ASTN2: variants seen among roughly 807,000 people sequenced by gnomAD.
The protein encoded by ASTN2 is astrotactin 2, also known as astrotactin-2.
Under a neutral mutation model 139.8 loss-of-function variants are expected in ASTN2, and 54 were observed. That is an observed-to-expected ratio of 0.39 (90% CI 0.31 to 0.48). The LOEUF is 0.48. Ranked by LOEUF, ASTN2 falls within the 20% of genes least tolerant of loss-of-function variation. The pLI, the probability that ASTN2 is intolerant of heterozygous loss-of-function variation, is 0.95. For synonymous variants in ASTN2, 756 were observed against 719.5 expected, an observed-to-expected ratio of 1.05 and a Z score of -0.81; for missense variants, 1,565 against 1,725.1, an observed-to-expected ratio of 0.91 and a Z score of 1.64.
chr9:117,030,929 C>A (rs1369221068), intron 6 of ASTN2, among the ~76,000 whole-genome samples: 1 of 152,122 alleles, frequency 6.6e-6, no homozygotes, highest in Non-Finnish European at 1.5e-5. Context: ...TGAAGCCTAG[C>A]CTTGCCTTCT....
intron 11 of ASTN2, among the ~76,000 whole-genome samples, chr9:116,829,863 G>A (rs943527965): frequency 2.0e-4 from 31 of 152,020 alleles, no homozygotes; most frequent in African/African-American, 5.8e-4. Context: ...CATATTTCTC[G>A]CCACATATTT....
At chr9:117,162,446 C>G (rs532734236) in intron 3 of ASTN2, among the ~76,000 whole-genome samples, 3 of 151,970 alleles carry the variant, frequency 2.0e-5, no homozygotes, top group African/African-American at 7.2e-5. Flanking sequence ...TGTAGGCATT[C>G]GCTTATATGC....
intron 1 of ASTN2, among the ~76,000 whole-genome samples, chr9:117,391,378 G>A (rs10115384): frequency 0.75 from 114,784 of 152,144 alleles, 43,568 homozygotes; most frequent in East Asian, 0.83. Context: ...AGGCCTCACA[G>A]TTATGTCAGA....
chr9:117,288,419 C>T (rs1404525784), intron 2 of ASTN2, among the ~76,000 whole-genome samples: 1 of 152,142 alleles, frequency 6.6e-6, no homozygotes, highest in Non-Finnish European at 1.5e-5. Context: ...CTCCAGACTT[C>T]TTTGAGATTT....
chr9:116,502,257 C>G (rs145175037), intron 19 of ASTN2, among the ~76,000 whole-genome samples: 4 of 151,322 alleles, frequency 2.6e-5, no homozygotes, highest in African/African-American at 9.7e-5. Flanking sequence ...GAGAGAGACA[C>G]ACACAAAAAA....
chr9:116,592,422 T>G (rs1328366130), intron 19 of ASTN2, among the ~76,000 whole-genome samples: 7 of 151,864 alleles, frequency 4.6e-5, no homozygotes, highest in African/African-American at 2.4e-5. Context: ...GATAACTCAC[T>G]CAGTATCACA....
intron 19 of ASTN2, among the ~76,000 whole-genome samples, chr9:116,527,345 C>T (rs1282822167): frequency 6.6e-6 from 1 of 151,906 alleles, no homozygotes; most frequent in Non-Finnish European, 1.5e-5. Flanking sequence ...AACAAATTGT[C>T]CAATTAAAAA....
chr9:117,223,621 C>T (rs150184814), intron 2 of ASTN2, among the ~76,000 whole-genome samples: 13 of 152,018 alleles, frequency 8.6e-5, no homozygotes, highest in African/African-American at 3.1e-4. Flanking sequence ...GAAAGTTATA[C>T]AAGATACCAG....
chr9:116,588,167 A>G (rs1358860), intron 19 of ASTN2, among the ~76,000 whole-genome samples: 31,773 of 152,088 alleles, frequency 0.21, 4,374 homozygotes, highest in African/African-American at 0.38. Context: ...CAGGATCCCA[A>G]ATGACACTGG....
Position 116,640,756 on chromosome 9 carries a change from C to T in ASTN2, c.3072+10772G>A, listed in dbSNP as rs185606501. Among the ~76,000 whole-genome samples, 63 of 152,290 alleles carry T rather than the reference C, an allele frequency of 4.1e-4. No individual in the cohort carries two copies. The East Asian group carries it at 9.4e-3, about 23-fold the overall frequency. On this transcript the variant is annotated intron_variant, in intron 17 of 22. Coordinates refer to ENST00000313400, the MANE Select transcript of ASTN2 (RefSeq NM_001365068.1). ...GGAAGTCGATAAATGGTTTTAATCA[C>T]GAAAGTGATGTGAGCAAGTTTTAGT...
At chr9:116,841,347 G>T (rs993008207) in intron 11 of ASTN2, among the ~76,000 whole-genome samples, 1 of 152,194 alleles carries the variant, frequency 6.6e-6, no homozygotes, top group Non-Finnish European at 1.5e-5. Context: ...GCTTCGGCTC[G>T]GCATGAGAGG....
chr9:117,251,157 G>C (rs1833526666), intron 2 of ASTN2, among the ~76,000 whole-genome samples: 1 of 152,102 alleles, frequency 6.6e-6, no homozygotes, highest in Non-Finnish European at 1.5e-5. Context: ...ACTTGCTCAA[G>C]GTCACAAATG....
chr9:116,638,074 AATAC>A (rs1224804969), intron 17 of ASTN2, among the ~76,000 whole-genome samples: 1 of 152,216 alleles, frequency 6.6e-6, no homozygotes, highest in Non-Finnish European at 1.5e-5. Flanking sequence ...AGAATCAAGT[AATAC>A]ATACAGGTTG....
At chr9:117,396,490 GA>G (rs2130954075) in intron 1 of ASTN2, among the ~76,000 whole-genome samples, 1 of 152,244 alleles carries the variant, frequency 6.6e-6, no homozygotes, top group East Asian at 1.9e-4. Context: ...AAAACTTAAA[GA>G]AATAGTTTAC....
At chr9:117,353,295 C>T (rs545666755) in intron 1 of ASTN2, among the ~76,000 whole-genome samples, 204 of 152,206 alleles carry the variant, frequency 1.3e-3, no homozygotes, top group African/African-American at 1.4e-3. Context: ...AAAAGATTCT[C>T]TAAGATTTAG....
At chr9:117,240,338 CTG>C (rs1464634186) in intron 2 of ASTN2, among the ~76,000 whole-genome samples, 1 of 152,102 alleles carries the variant, frequency 6.6e-6, no homozygotes, top group Non-Finnish European at 1.5e-5. Context: ...TTGGGTGTGA[CTG>C]TGTGTGTGAC....
At chr9:116,445,683 G>C (rs1403682082) in intron 20 of ASTN2, among the ~76,000 whole-genome samples, 2 of 152,136 alleles carry the variant, frequency 1.3e-5, no homozygotes, top group Non-Finnish European at 2.9e-5. Context: ...ATATTCTTTG[G>C]GAAGTCACTT....
rs151144826 is a variant in ASTN2, at chr9:116,781,349, A to G, written c.2396+24283T>C. 7.5e-3 allele frequency among the ~76,000 whole-genome samples: 1,142 copies of G among 152,278 alleles called. 48 individuals carry two copies. Among genetic ancestry groups the G allele is most frequent in the Admixed American group, 0.068 (1,042 of 15,282 alleles). The stretch of plus-strand genomic sequence containing the variant: ...GGAAAATGTAAATTCAGAAACAGGG[A>G]AAAACTGAATTCAAGCGCTAGTGGT... On this transcript the variant is annotated intron_variant, in intron 13 of 22. Coordinates refer to ENST00000313400, the MANE Select transcript of ASTN2 (RefSeq NM_001365068.1).
At chr9:117,273,631 A>G (rs1564119633) in intron 2 of ASTN2, among the ~76,000 whole-genome samples, 1 of 152,188 alleles carries the variant, frequency 6.6e-6, no homozygotes, top group African/African-American at 2.4e-5. Flanking sequence ...CAGAAGCAGA[A>G]CAGGATGGCT....
Sources: allele counts gnomAD v4.1 joint callset (sites outside exome capture counted in the v4.1 genomes callset), GRCh38; gene constraint gnomAD v4.1.1; transcripts MANE v1.5; gene names NCBI Gene and HGNC (gene_info 2026-07-23, HGNC 2026-07-21).